ZNF827: variants seen among roughly 807,000 people sequenced by gnomAD.
The protein encoded by ZNF827 is zinc finger protein 827.
ZNF827 carries 13 observed loss-of-function variants against 102.4 expected under a neutral mutation model. The observed-to-expected ratio is 0.13, with a 90% confidence interval of 0.08 to 0.20. The LOEUF (loss-of-function observed/expected upper bound fraction) is 0.20. Ranked by LOEUF, ZNF827 falls within the 10% of genes least tolerant of loss-of-function variation. The pLI is 1.00. For synonymous variants in ZNF827, 523 were observed against 536.2 expected (o/e 0.98, Z 0.34); for missense variants, 1,103 against 1,344.4 (o/e 0.82, Z 2.81).
At chr4:145,817,890 A>G (rs918053515) in intron 8 of ZNF827, among the ~76,000 whole-genome samples, 3 of 152,198 alleles carry the variant, frequency 2.0e-5, no homozygotes, top group Non-Finnish European at 4.4e-5. Context: ...GAGAGTTTTA[A>G]CACAGCTTCA....
At chr4:145,898,321 C>G (rs903868379) in intron 2 of ZNF827, among the ~76,000 whole-genome samples, 2 of 152,174 alleles carry the variant, frequency 1.3e-5, no homozygotes, top group Non-Finnish European at 2.9e-5. Context: ...AGGAAATATT[C>G]TTAGTTCTCA....
intron 4 of ZNF827, among the ~76,000 whole-genome samples, chr4:145,878,532 A>T (rs1437821311): frequency 6.6e-6 from 1 of 151,064 alleles, no homozygotes; most frequent in Non-Finnish European, 1.5e-5. Flanking sequence ...ACAGAGTAAG[A>T]CCTCATCTCG....
intron 3 of ZNF827, among the ~76,000 whole-genome samples, chr4:145,887,343 C>T (rs1040377042): frequency 2.0e-5 from 3 of 152,178 alleles, no homozygotes; most frequent in African/African-American, 7.2e-5. Context: ...AGTTTTACAA[C>T]AGCTGTTTAT....
Position 145,903,167 on chromosome 4 carries a change from T to C in ZNF827, c.92A>G (p.His31Arg). The C allele has an allele frequency of 6.2e-7, 1 of 1,614,082 alleles. No individual in the cohort carries two copies. The highest frequency in any genetic ancestry group is 1.3e-5 in the African/African-American group (1 of 75,056). ...AGTCTCTGAAGAGTTTCCATACCAG[T>C]GTTCTCCTTCACTGAGCTCTCCCTC... The part of the protein sequence containing the change: ...EAEGELSEGE[H>R]WYGNSSETPS... Residue 31 changes from histidine (H) to arginine (R), a missense_variant, in exon 2 of 15, where the codon CAC (histidine) becomes CGC (arginine). Physicochemically the swap from His to Arg is conservative, Grantham distance 29. Transcript: ENST00000508784.
At chr4:145,774,736 G>T in intron 10 of ZNF827, 64 bp from the exon 11 acceptor site, 1 of 1,538,428 alleles carries the variant, frequency 6.5e-7, no homozygotes, top group Non-Finnish European at 8.9e-7. Context: ...CTAAATGTAG[G>T]CTGTCCATTT....
chr4:145,799,503 C>A (rs1277407126), intron 8 of ZNF827, among the ~76,000 whole-genome samples: 3 of 152,196 alleles, frequency 2.0e-5, no homozygotes, highest in Non-Finnish European at 4.4e-5. Flanking sequence ...TGAACTCTAT[C>A]CTGACCAAAG....
At chr4:145,888,048 G>A (rs540967323) in intron 3 of ZNF827, among the ~76,000 whole-genome samples, 168 of 152,272 alleles carry the variant, frequency 1.1e-3, no homozygotes, top group African/African-American at 3.9e-3. Context: ...AGGGAGTCCT[G>A]GATTAAAAAC....
intron 9 of ZNF827, 125 bp from the exon 10 acceptor site, chr4:145,776,085 T>C: frequency 2.8e-6 from 3 of 1,062,292 alleles, no homozygotes; most frequent in East Asian, 2.4e-5. Flanking sequence ...ATGGAGACAA[T>C]GGTAATGCCT....
chr4:145,779,614 T>A, intron 8 of ZNF827, 103 bp from the exon 9 acceptor site: 1 of 1,464,034 alleles, frequency 6.8e-7, no homozygotes. Context: ...CTGAAGAATG[T>A]GGCTAGTAAT....
intron 5 of ZNF827, among the ~76,000 whole-genome samples, chr4:145,865,544 T>C (rs988902246): frequency 6.6e-6 from 1 of 152,200 alleles, no homozygotes; most frequent in Non-Finnish European, 1.5e-5. Context: ...TTTGCATCTC[T>C]AACGCTTCCT....
intron 8 of ZNF827, among the ~76,000 whole-genome samples, chr4:145,817,018 G>A (rs933696213): frequency 6.6e-6 from 1 of 152,150 alleles, no homozygotes; most frequent in Non-Finnish European, 1.5e-5. Flanking sequence ...CTACCTATTT[G>A]TAAATAAGCA....
At chr4:145,830,641 C>CT (rs2126539982) in intron 7 of ZNF827, 1 of 152,056 alleles carries the variant, frequency 6.6e-6, no homozygotes, top group Non-Finnish European at 1.5e-5. Context: ...GCTTATATTT[C>CT]TTTTCATATA....
chr4:145,829,283 T>G (rs1743970167), intron 7 of ZNF827, among the ~76,000 whole-genome samples: 1 of 152,154 alleles, frequency 6.6e-6, no homozygotes, highest in Non-Finnish European at 1.5e-5. Context: ...AGGGACTAGA[T>G]AGATCAGGGT....
Position 145,762,353 on chromosome 4 carries a change from A to AC in ZNF827, c.*17+736dup, listed in dbSNP as rs1387102592. Among the ~76,000 whole-genome samples, 1 of 152,184 alleles carries AC rather than the reference A, an allele frequency of 6.6e-6. No individual in the cohort carries two copies. Among genetic ancestry groups the AC allele is most frequent in the Non-Finnish European group, 1.5e-5 (1 of 68,034 alleles). Reference sequence around the variant, plus strand: ...GAGGAAGGGAGGAGGGAGGGAGACAACTGCTATCTGGAGCTCGAAGACATT... The same window carrying AC: ...GAGGAAGGGAGGAGGGAGGGAGACAACCTGCTATCTGGAGCTCGAAGACATT... On this transcript the variant is annotated intron_variant, in intron 14 of 14. Transcript: ENST00000508784. This position sits in a 1 kb window ranked among gnomAD's most constrained non-coding sequence, Gnocchi z 4.9.
At chr4:145,831,211 C>T (rs1744180087) in intron 7 of ZNF827, 1 of 152,074 alleles carries the variant, frequency 6.6e-6, no homozygotes, top group African/African-American at 2.4e-5. Flanking sequence ...GAGTCTCAGC[C>T]CTGAAGGCAA....
intron 8 of ZNF827, among the ~76,000 whole-genome samples, chr4:145,791,840 C>A (rs1051235580): frequency 6.6e-6 from 1 of 152,140 alleles, no homozygotes; most frequent in Non-Finnish European, 1.5e-5. Context: ...ATAGATGAGA[C>A]AAATCAAGGC....
intron 5 of ZNF827, among the ~76,000 whole-genome samples, chr4:145,869,106 T>A (rs1748465430): frequency 6.6e-6 from 1 of 152,244 alleles, no homozygotes; most frequent in African/African-American, 2.4e-5. Flanking sequence ...AGAGCTATGA[T>A]AAGAATGTAA....
chr4:145,795,975 C>T (rs150483703), intron 8 of ZNF827, among the ~76,000 whole-genome samples: 41 of 152,300 alleles, frequency 2.7e-4, no homozygotes, highest in South Asian at 1.0e-3. Flanking sequence ...CATAGTTAAA[C>T]GATCGTGTCT....
chr4:145,894,546 G>T (rs918311805), intron 2 of ZNF827, among the ~76,000 whole-genome samples: 1 of 152,162 alleles, frequency 6.6e-6, no homozygotes, highest in African/African-American at 2.4e-5. Flanking sequence ...GGAACCAGAG[G>T]GTTCTGGAAT....
Sources: allele counts gnomAD v4.1 joint callset (sites outside exome capture counted in the v4.1 genomes callset), GRCh38; gene constraint gnomAD v4.1.1; non-coding constraint Gnocchi (gnomAD v3.1); transcripts MANE v1.5; gene names NCBI Gene and HGNC (gene_info 2026-07-23, HGNC 2026-07-21).